The following GLIS3 variants were observed in gnomAD, a reference collection of about 807,000 sequenced individuals.
GLIS3 encodes the protein GLIS family zinc finger 3, also known as zinc finger protein GLIS3.
Under a neutral mutation model 78.6 loss-of-function variants are expected in GLIS3, and 53 were observed. The ratio of observed to expected loss-of-function variants is 0.67; its 90% CI spans 0.54 to 0.85. The LOEUF (loss-of-function observed/expected upper bound fraction) is 0.85, where lower values mean the gene tolerates loss of function less well. Ranked by LOEUF, GLIS3 falls within the 40% of genes least tolerant of loss-of-function variation. GLIS3 has a pLI of 0.00. For synonymous variants in GLIS3, 684 were observed against 509.9 expected (o/e 1.34, Z -4.60); for missense variants, 1,703 against 1,231.1 (o/e 1.38, Z -5.74).
intron 4 of GLIS3, among the ~76,000 whole-genome samples, chr9:3,965,474 G>A (rs1284187558): frequency 1.3e-5 from 2 of 152,106 alleles, no homozygotes; most frequent in Non-Finnish European, 2.9e-5. Flanking sequence ...GATTACAGGC[G>A]TGAGCCACCA....
intron 4 of GLIS3, among the ~76,000 whole-genome samples, chr9:3,960,886 T>C (rs892400545): frequency 5.9e-5 from 9 of 152,264 alleles, no homozygotes; most frequent in South Asian, 2.1e-4. Flanking sequence ...CCAAATTCAA[T>C]TGATTGAAAT....
chr9:4,253,327 G>A (rs531817535), intron 2 of GLIS3, among the ~76,000 whole-genome samples: 3 of 152,378 alleles, frequency 2.0e-5, no homozygotes, highest in Non-Finnish European at 4.4e-5. Flanking sequence ...AATCTACAGA[G>A]GCAGTCTAGC....
intron 4 of GLIS3, among the ~76,000 whole-genome samples, chr9:3,962,927 C>A (rs1408534132): frequency 2.2e-5 from 3 of 133,762 alleles, no homozygotes; most frequent in East Asian, 4.5e-4. Context: ...AAATGTCCAA[C>A]AAGATCTGCT....
chr9:4,267,807 A>G (rs1186848206), intron 2 of GLIS3, among the ~76,000 whole-genome samples: 1 of 152,218 alleles, frequency 6.6e-6, no homozygotes, highest in African/African-American at 2.4e-5. Context: ...AGTTAGTGCC[A>G]AGAATGAGTT....
At chr9:4,223,535 C>A (rs551692957) in intron 2 of GLIS3, among the ~76,000 whole-genome samples, 1 of 151,140 alleles carries the variant, frequency 6.6e-6, no homozygotes, top group Non-Finnish European at 1.5e-5. Context: ...CCTGGGTCCC[C>A]TGTTTATTCT....
chr9:3,951,662 G>C (rs144406666), intron 4 of GLIS3, among the ~76,000 whole-genome samples: 1 of 152,060 alleles, frequency 6.6e-6, no homozygotes, highest in African/African-American at 2.4e-5. Context: ...AGGGTGAACG[G>C]ACACTGATTT....
the GLIS3 span, among the ~76,000 whole-genome samples, chr9:4,415,124 T>C: frequency 6.6e-6 from 1 of 152,200 alleles, no homozygotes; most frequent in South Asian, 2.1e-4. Context: ...GACCTCCTCA[T>C]CTATCCAGGA....
At chr9:4,253,325 G>C (rs757459881) in intron 2 of GLIS3, among the ~76,000 whole-genome samples, 6 of 152,252 alleles carry the variant, frequency 3.9e-5, no homozygotes, top group Admixed American at 2.6e-4. Flanking sequence ...GGAATCTACA[G>C]AGGCAGTCTA....
chr9:4,366,678 C>A, the GLIS3 span, among the ~76,000 whole-genome samples: 1 of 152,200 alleles, frequency 6.6e-6, no homozygotes, highest in Middle Eastern at 3.2e-3. Context: ...CGAGGAGAGG[C>A]CTTTTCAGAC....
chr9:4,265,210 T>C (rs906385207), intron 2 of GLIS3, among the ~76,000 whole-genome samples: 1 of 151,862 alleles, frequency 6.6e-6, no homozygotes, highest in African/African-American at 2.4e-5. Context: ...TCTTTTGCCT[T>C]CACAAGGTCT....
chr9:4,330,622 G>C (rs549621593), intron 2 of GLIS3, among the ~76,000 whole-genome samples: 7 of 150,330 alleles, frequency 4.7e-5, no homozygotes, highest in Non-Finnish European at 5.9e-5. Context: ...GGAGGTGAAG[G>C]TTGGATGGAG....
chr9:4,313,726 C>T (rs909325672), intron 2 of GLIS3, among the ~76,000 whole-genome samples: 1 of 152,188 alleles, frequency 6.6e-6, no homozygotes, highest in Non-Finnish European at 1.5e-5. Context: ...ACCAGTCTCC[C>T]ACCTTAAGAT....
the GLIS3 span, among the ~76,000 whole-genome samples, chr9:4,460,464 C>A: frequency 6.6e-6 from 1 of 152,304 alleles, no homozygotes; most frequent in South Asian, 2.1e-4. Context: ...TGGTGCTTCT[C>A]CAGCCACATT....
the GLIS3 span, among the ~76,000 whole-genome samples, chr9:4,437,460 CT>C: frequency 6.7e-5 from 7 of 104,660 alleles, no homozygotes; most frequent in African/African-American, 2.0e-4. Flanking sequence ...ATCTATCTAT[CT>C]ATCTATCTAT....
At chr9:3,886,907 G>T (rs1257637947) in intron 7 of GLIS3, among the ~76,000 whole-genome samples, 1 of 152,162 alleles carries the variant, frequency 6.6e-6, no homozygotes, top group East Asian at 1.9e-4. Context: ...ATGAGTAGAA[G>T]GAGCTGGTTT....
chr9:4,261,617 G>C (rs1338935914), intron 2 of GLIS3, among the ~76,000 whole-genome samples: 1 of 152,152 alleles, frequency 6.6e-6, no homozygotes, highest in African/African-American at 2.4e-5. Flanking sequence ...ACTCTACTCA[G>C]CAAAGAAAGG....
chr9:4,419,029 T>C, the GLIS3 span, among the ~76,000 whole-genome samples: 1 of 152,228 alleles, frequency 6.6e-6, no homozygotes, highest in Non-Finnish European at 1.5e-5. Context: ...CCTTGCAATC[T>C]GTCATTAAGC....
chr9:3,825,544 T>C lies in GLIS3; in HGVS notation c.*2728A>G. On this transcript the variant is annotated 3_prime_UTR_variant, in exon 11 of 11. Coordinates refer to ENST00000381971, the MANE Select transcript of GLIS3 (RefSeq NM_001042413.2). Reference sequence around the variant, plus strand: ...GAATGACAATCTCTGTTTGGACATTTATGAAAATGGTTACATATCAAGACT... The same window carrying C: ...GAATGACAATCTCTGTTTGGACATTCATGAAAATGGTTACATATCAAGACT... The C allele has an allele frequency of 6.6e-6, 1 of 152,180 alleles. No homozygotes were observed. The highest frequency in any genetic ancestry group is 1.9e-4 in the East Asian group (1 of 5,196). 9.4% of individuals were successfully genotyped at this position (152,180 alleles called of 1,614,324 possible). A position where few individuals can be genotyped will look rare whatever the true frequency, so the allele number is the denominator to read the frequency against.
chr9:4,476,238 G>C, the GLIS3 span, among the ~76,000 whole-genome samples: 3 of 152,056 alleles, frequency 2.0e-5, no homozygotes, highest in Non-Finnish European at 2.9e-5. Context: ...GAATAACACA[G>C]GGAAAATAAT....
Sources: allele counts gnomAD v4.1 joint callset (sites outside exome capture counted in the v4.1 genomes callset), GRCh38; gene constraint gnomAD v4.1.1; transcripts MANE v1.5; gene names NCBI Gene and HGNC (gene_info 2026-07-23, HGNC 2026-07-21).